RASGRF1: variants seen among roughly 807,000 people sequenced by gnomAD.
RASGRF1 encodes Ras protein specific guanine nucleotide releasing factor 1.
RASGRF1 carries 40 observed loss-of-function variants against 138.7 expected under a neutral mutation model. The observed-to-expected ratio is 0.29, with a 90% CI of 0.22 to 0.38. The LOEUF is 0.38. RASGRF1 is among the 10% of genes least tolerant of loss of function. RASGRF1 has a pLI of 1.00. For synonymous variants in RASGRF1, 614 were observed against 663.2 expected (o/e 0.93, Z 1.14); for missense variants, 1,108 against 1,650.4 (o/e 0.67, Z 5.69).
Position 79,090,616 on chromosome 15 carries a change from C to T in RASGRF1, c.-118G>A. The T allele has an allele frequency of 2.9e-6, 4 of 1,383,250 alleles. No individual in the cohort carries two copies. Among genetic ancestry groups the T allele is most frequent in the South Asian group, 1.3e-5 (1 of 74,722 alleles). 85.7% of individuals were successfully genotyped at this position (1,383,250 alleles called of 1,614,324 possible). A position where few individuals can be genotyped will look rare whatever the true frequency, so the allele number is the denominator to read the frequency against. ...GCTCGCTCGCTCGCTCCCTCTAGCT[C>T]TCCCCTCCCCCCAAATATCTACACT... is the stretch of plus-strand genomic sequence containing the variant. On this transcript the variant is annotated 5_prime_UTR_variant, in exon 1 of 27. Transcript: ENST00000558480.
At chr15:79,055,372 G>C (rs2057497040) in intron 3 of RASGRF1, among the ~76,000 whole-genome samples, 1 of 152,192 alleles carries the variant, frequency 6.6e-6, no homozygotes, top group African/African-American at 2.4e-5. Flanking sequence ...GTGTATGTGT[G>C]TGTGTATATC....
At chr15:78,966,305 TG>T (rs947481040) in intron 26 of RASGRF1, among the ~76,000 whole-genome samples, 4 of 148,428 alleles carry the variant, frequency 2.7e-5, no homozygotes, top group Non-Finnish European at 4.4e-5. Flanking sequence ...GGCACGATCA[TG>T]GCTCACTGTA....
intron 2 of RASGRF1, among the ~76,000 whole-genome samples, chr15:79,062,322 C>G (rs1461579437): frequency 6.6e-6 from 1 of 152,222 alleles, no homozygotes; most frequent in Non-Finnish European, 1.5e-5. Context: ...CCCCCTGCAT[C>G]TGGGTTCTTC....
At chr15:79,028,035 C>T (rs923855126) in intron 8 of RASGRF1, among the ~76,000 whole-genome samples, 176 bp from the exon 9 acceptor site, 15 of 152,280 alleles carry the variant, frequency 9.9e-5, no homozygotes, top group African/African-American at 2.6e-4. Flanking sequence ...TGCTGCATGC[C>T]GGGCACTTCA....
At chr15:78,971,721 C>A (rs2055764129) in intron 26 of RASGRF1, 145 bp downstream of exon 26, 1 of 727,726 alleles carries the variant, frequency 1.4e-6, no homozygotes. Flanking sequence ...ACTAGGGAAG[C>A]CTTCCTTACA....
In RASGRF1 at chr15:78,991,808, G is replaced by C. The variant is rs1184841386; in HGVS notation, c.3028-14C>G. 1 of 1,603,850 alleles carries C rather than the reference G, an allele frequency of 6.2e-7. No individual in the cohort carries two copies. Among genetic ancestry groups the C allele is most frequent in the Admixed American group, 1.7e-5 (1 of 59,840 alleles). On this transcript the variant is annotated splice_polypyrimidine_tract_variant and intron_variant, in intron 20 of 26. Coordinates refer to ENST00000558480, the MANE Select transcript of RASGRF1 (RefSeq NM_001145648.3). ...CACGCCTTCAGCCTGGTTTTGAGTT[G>C]GGGGAGCAACATTTTGAGTTAGGCC...
In RASGRF1 at chr15:79,090,325, C is replaced by T. The variant is rs899001969; in HGVS notation, c.174G>A (p.Ser58=). 12 of 1,613,796 alleles carry T rather than the reference C, an allele frequency of 7.4e-6. No individual in the cohort carries two copies. The African/African-American group carries it at 1.2e-4, about 16-fold the overall frequency. ...GGTAAAGCCCCGAGGGCCGCGAGCTCGAGTCGCTCTCGAAGTAGAAGAGCA... is the reference window on the plus strand; with the variant it reads ...GGTAAAGCCCCGAGGGCCGCGAGCTTGAGTCGCTCTCGAAGTAGAAGAGCA... ...QNLLFYFESD[S]SSRPSGLYLL... Residue 58 remains serine (S), a synonymous_variant, in exon 1 of 27, where the codon TCG becomes TCA. Coordinates refer to ENST00000558480, the MANE Select transcript of RASGRF1 (RefSeq NM_001145648.3).
At position 79,006,346 on chromosome 15, in the gene RASGRF1, T is replaced by C; in HGVS notation, c.1915A>G (p.Ser639Gly). The C allele has an allele frequency of 6.2e-7, 1 of 1,614,252 alleles. No homozygotes were observed. Among genetic ancestry groups the C allele is most frequent in the Non-Finnish European group, 8.5e-7 (1 of 1,180,046 alleles). ...SCKVLQIRYA[S>G]VERLLERLTD... ...AGCCTCTCCAGCAGCCGCTCCACAC[T>C]GGCGTAGCGGATCTGCAGCACTTTG... Residue 639 changes from serine to glycine, a missense_variant, in exon 14 of 27, where the codon AGT (serine) becomes GGT (glycine). Ser to Gly is a moderately conservative substitution (Grantham distance 56). Around this residue, in one of 3 missense-constraint regions of RASGRF1, gnomAD observed 686 missense variants for 976.7 expected, o/e 0.70. Transcript: ENST00000558480. This position sits in a 1 kb window ranked among gnomAD's most constrained non-coding sequence, Gnocchi z 4.0.
In RASGRF1 at chr15:79,058,314, A is replaced by T. The variant is rs114347592; in HGVS notation, c.531+20T>A. 966 of 1,608,442 alleles carry T rather than the reference A, an allele frequency of 6.0e-4. 5 individuals are homozygous for T. In the African/African-American group the frequency reaches 0.01, roughly 17 times the overall value. The stretch of plus-strand genomic sequence containing the variant: ...GATGTTGTGCCTAGGGCCTGGGCCC[A>T]CCCCCCAGCCCGCAGTCACCTCTGC... On this transcript the variant is annotated intron_variant, in intron 3 of 26. Transcript: ENST00000558480.
chr15:79,032,399 AC>A lies in RASGRF1; in HGVS notation c.959-84del. On this transcript the variant is annotated intron_variant, in intron 6 of 26. Transcript: ENST00000558480. The surrounding 1 kb of genome is among the most constrained non-coding windows in gnomAD (Gnocchi z 4.5). Reference sequence around the variant, plus strand: ...CTAGGCCCTTGGCTCCCCCAGCTACACCCAGAGAGGCCAGGGGCCAGGTTCA... The same window carrying A: ...CTAGGCCCTTGGCTCCCCCAGCTACACCAGAGAGGCCAGGGGCCAGGTTCA... The A allele has an allele frequency of 7.2e-7, 1 of 1,389,218 alleles. No homozygotes were observed. The highest frequency in any genetic ancestry group is 1.0e-6 in the Non-Finnish European group (1 of 1,003,652). The allele number at this position is 1,389,218 out of a possible 1,614,324, so 86.1% of individuals were successfully genotyped here. A position where few individuals can be genotyped will look rare whatever the true frequency, so the allele number is the denominator to read the frequency against.
At chr15:79,070,722 T>C (rs2057744284) in intron 1 of RASGRF1, among the ~76,000 whole-genome samples, 1 of 152,234 alleles carries the variant, frequency 6.6e-6, no homozygotes, top group Admixed American at 6.5e-5. Flanking sequence ...AAGCATCCAA[T>C]GCATGTTCAC....
intron 14 of RASGRF1, among the ~76,000 whole-genome samples, chr15:79,005,868 G>A (rs770273696): frequency 3.3e-5 from 5 of 151,850 alleles, no homozygotes; most frequent in South Asian, 4.2e-4. Flanking sequence ...CTTTGGTGAC[G>A]GTGGGACCCT....
intron 13 of RASGRF1, chr15:79,012,545 C>A: frequency 1.2e-6 from 2 of 1,614,130 alleles, no homozygotes. Flanking sequence ...GAAAACCAGG[C>A]TTTAGATTGG....
rs2058044626 is a variant in RASGRF1 at position 79,090,660 on chromosome 15, C to A, written c.-162G>T. 2.0e-6 allele frequency: 2 copies of A among 1,005,728 alleles called. No individual in the cohort carries two copies. Among genetic ancestry groups the A allele is most frequent in the Admixed American group, 5.5e-5 (2 of 36,300 alleles). The allele number at this position is 1,005,728 out of a possible 1,614,324, so 62.3% of individuals were successfully genotyped here. ...CTACACTCCAGGATCTGGCGCCGAG[C>A]CGCGGCTTCTTGAATCCAGATATAC... is the stretch of plus-strand genomic sequence containing the variant. On this transcript the variant is annotated 5_prime_UTR_variant, in exon 1 of 27. Transcript: ENST00000558480.
chr15:78,991,692 C>T lies in RASGRF1; in HGVS notation c.3130G>A (p.Glu1044Lys). The T allele has an allele frequency of 1.2e-6, 2 of 1,613,268 alleles. No homozygotes were observed. Among genetic ancestry groups the T allele is most frequent in the Non-Finnish European group, 1.7e-6 (2 of 1,179,188 alleles). The change falls in exon 21 of 27, where the codon GAG becomes AAG. Residue 1044 changes from glutamate (E) to lysine (K), a missense_variant and splice_region_variant. By Grantham distance (56) the Glu-to-Lys change is moderately conservative. Around this residue, in one of 3 missense-constraint regions of RASGRF1, gnomAD observed 686 missense variants for 976.7 expected, o/e 0.70. Transcript: ENST00000558480. ...DHLVFKKIPY[E>K]EFFGQGWMKL... ...GCGGGTGGTGCCTGCAACACTTACT[C>T]ATAAGGAATCTTCTTGAAGACGAGG...
chr15:79,003,981 G>C lies in RASGRF1; in HGVS notation c.2270C>G (p.Ala757Gly). 4 of 1,614,150 alleles carry C rather than the reference G, an allele frequency of 2.5e-6. No individual in the cohort carries two copies. The highest frequency in any genetic ancestry group is 3.4e-6 in the Non-Finnish European group (4 of 1,180,014). ...GCCATTGGAGTTGCAGCTGAGGGCG[G>C]CCAGGTCCAGGGCCTTGCCGCCAGT... ...IITGGKALDL[A>G]ALSCNSNGYT... The change falls in exon 15 of 27, where the codon GCC (alanine) becomes GGC (glycine). Residue 757 changes from alanine (A) to glycine (G), a missense_variant. Ala to Gly is a moderately conservative substitution (Grantham distance 60). Around this residue, in one of 3 missense-constraint regions of RASGRF1, gnomAD observed 686 missense variants for 976.7 expected, o/e 0.70. Transcript: ENST00000558480.
chr15:79,002,368 G>C (rs2056549441), intron 15 of RASGRF1, among the ~76,000 whole-genome samples: 1 of 152,158 alleles, frequency 6.6e-6, no homozygotes, highest in Non-Finnish European at 1.5e-5. Context: ...TAAAAGCCTA[G>C]GTCTGGCACA....
intron 23 of RASGRF1, chr15:78,981,539 G>C (rs2141625602): frequency 6.6e-6 from 1 of 152,340 alleles, no homozygotes; most frequent in African/African-American, 2.4e-5. Flanking sequence ...GCCTGGAGGG[G>C]ACACAGGCCC....
At position 79,068,185 on chromosome 15, in the gene RASGRF1, G is replaced by A. The variant is rs2057704847; in HGVS notation, c.277-3659C>T. On this transcript the variant is annotated intron_variant, in intron 1 of 26. Transcript: ENST00000558480. Reference sequence around the variant, plus strand: ...GGCTGAGGCTTGGAGGTGGGTGTGAGGTGTCTCTGGGATGGCTGTCTAGGG... The same window carrying A: ...GGCTGAGGCTTGGAGGTGGGTGTGAAGTGTCTCTGGGATGGCTGTCTAGGG... Among the ~76,000 whole-genome samples, 4 of 152,134 alleles carry A rather than the reference G, an allele frequency of 2.6e-5. No homozygotes were observed. The South Asian group carries it at 8.3e-4, about 32-fold the overall frequency.
Sources: allele counts gnomAD v4.1 joint callset (sites outside exome capture counted in the v4.1 genomes callset), GRCh38; gene constraint gnomAD v4.1.1; regional missense constraint gnomAD v4.1.1; non-coding constraint Gnocchi (gnomAD v3.1); transcripts MANE v1.5; gene names NCBI Gene and HGNC (gene_info 2026-07-23, HGNC 2026-07-21).